SPG11: variants seen among roughly 807,000 people sequenced by gnomAD.
SPG11 encodes the protein SPG11 vesicle trafficking associated, spatacsin.
A neutral mutation model predicts 274.0 loss-of-function variants in SPG11; 222 were observed. That is an observed-to-expected ratio of 0.81 (90% CI 0.73 to 0.91). The LOEUF is 0.91. Ranked by LOEUF, SPG11 falls within the 40% of genes least tolerant of loss-of-function variation. The pLI is 0.00. For synonymous variants in SPG11, 1,144 were observed against 1,039.7 expected (o/e 1.10, Z -1.93); for missense variants, 3,114 against 2,872.7 (o/e 1.08, Z -1.92).
chr15:44,654,958 A>G (rs1234176561), intron 4 of SPG11, among the ~76,000 whole-genome samples: 2 of 152,266 alleles, frequency 1.3e-5, no homozygotes, highest in Non-Finnish European at 2.9e-5. Flanking sequence ...GCAGTATTAA[A>G]TAACTGCATA....
intron 14 of SPG11, chr15:44,621,140 C>G (rs1260132521): frequency 6.5e-6 from 1 of 153,204 alleles, no homozygotes; most frequent in Non-Finnish European, 1.5e-5. Flanking sequence ...TGCCTGGCCA[C>G]ATTGTTCATT....
intron 20 of SPG11, among the ~76,000 whole-genome samples, chr15:44,603,662 G>C (rs559679489): frequency 6.6e-6 from 1 of 152,050 alleles, no homozygotes; most frequent in Non-Finnish European, 1.5e-5. Flanking sequence ...GGTATCCATG[G>C]GGGATTGGTT....
intron 30 of SPG11, among the ~76,000 whole-genome samples, chr15:44,579,440 T>C (rs2082613970): frequency 1.3e-5 from 2 of 149,622 alleles, no homozygotes; most frequent in South Asian, 4.2e-4. Context: ...GACAGGAGAA[T>C]TGCTTGAACC....
intron 29 of SPG11, 50 bp downstream of exon 29, chr15:44,585,586 A>G (rs764833380): frequency 1.3e-6 from 2 of 1,500,612 alleles, no homozygotes; most frequent in Non-Finnish European, 1.8e-6. Context: ...TGGGTGACAG[A>G]GCAAGACCCC....
At chr15:44,577,627 G>A (rs1234088527) in intron 30 of SPG11, among the ~76,000 whole-genome samples, 1 of 152,068 alleles carries the variant, frequency 6.6e-6, no homozygotes, top group African/African-American at 2.4e-5. Flanking sequence ...TTCTAGGTAA[G>A]TTGGTTATAA....
At chr15:44,585,155 G>A (rs907292995) in intron 29 of SPG11, among the ~76,000 whole-genome samples, 6 of 152,026 alleles carry the variant, frequency 3.9e-5, no homozygotes, top group Admixed American at 3.9e-4. Context: ...TCTCAATCAT[G>A]GGAATTGTAG....
chr15:44,593,596 G>A (rs1242761306), intron 26 of SPG11, among the ~76,000 whole-genome samples: 1 of 152,044 alleles, frequency 6.6e-6, no homozygotes, highest in East Asian at 1.9e-4. Flanking sequence ...AGTGGGAGTC[G>A]CTCAGTCAGA....
chr15:44,572,980 CTT>C (rs974510197), intron 32 of SPG11, among the ~76,000 whole-genome samples, 160 bp from the exon 33 acceptor site: 17 of 83,296 alleles, frequency 2.0e-4, no homozygotes, highest in African/African-American at 6.6e-4. Flanking sequence ...GACAGGAGTT[CTT>C]TTTTTTTTTT....
At chr15:44,589,777 A>G (rs1260880199) in intron 27 of SPG11, among the ~76,000 whole-genome samples, 3 of 152,204 alleles carry the variant, frequency 2.0e-5, no homozygotes, top group African/African-American at 7.2e-5. Flanking sequence ...CTGTAAAATT[A>G]ACCAGATGTT....
chr15:44,563,344 T>G, intron 39 of SPG11, 43 bp from the exon 40 acceptor site: 2 of 1,568,396 alleles, frequency 1.3e-6, no homozygotes, highest in South Asian at 2.2e-5. Flanking sequence ...TACTGTTTTT[T>G]GTTTTGTTTT....
At chr15:44,629,512 A>G in intron 8 of SPG11, 124 bp from the exon 9 acceptor site, 1 of 1,090,762 alleles carries the variant, frequency 9.2e-7, no homozygotes, top group Admixed American at 2.3e-5. Context: ...CTTATTTTCA[A>G]AAAGCTCACA....
At chr15:44,603,771 TTTAGA>T (rs1323269330) in intron 20 of SPG11, among the ~76,000 whole-genome samples, 1 of 152,186 alleles carries the variant, frequency 6.6e-6, no homozygotes, top group African/African-American at 2.4e-5. Context: ...CCCCATACAC[TTTAGA>T]TTACTCTAGA....
Position 44,573,537 on chromosome 15 carries a change from G to T in SPG11, c.6205+10C>A, listed in dbSNP as rs548551204. 6 of 1,613,932 alleles carry T rather than the reference G, an allele frequency of 3.7e-6. No homozygotes were observed. Among genetic ancestry groups the T allele is most frequent in the Non-Finnish European group, 5.1e-6 (6 of 1,179,980 alleles). ...TCAGAGAGGTTGGGAATCCCCGGGG[G>T]GTAGGGCACCTGTTCCCTGTGATGA... On this transcript the variant is annotated intron_variant, in intron 32 of 39. Coordinates refer to ENST00000261866, the MANE Select transcript of SPG11 (RefSeq NM_025137.4).
intron 14 of SPG11, 130 bp downstream of exon 14, chr15:44,621,629 C>A: frequency 1.1e-6 from 1 of 905,650 alleles, no homozygotes; most frequent in Non-Finnish European, 1.8e-6. Context: ...CAACGACTTG[C>A]ATTTTAAAGA....
chr15:44,625,324 G>A (rs2141035423), intron 11 of SPG11, among the ~76,000 whole-genome samples: 1 of 152,162 alleles, frequency 6.6e-6, no homozygotes, highest in East Asian at 1.9e-4. Context: ...GTGTGCTATG[G>A]TTTGGATCTG....
intron 38 of SPG11, among the ~76,000 whole-genome samples, chr15:44,565,086 T>TAGGG (rs2082281711): frequency 6.6e-6 from 1 of 152,184 alleles, no homozygotes; most frequent in African/African-American, 2.4e-5. Flanking sequence ...CTGCTAAGAA[T>TAGGG]ATATTATTCC....
Position 44,622,172 on chromosome 15 carries a change from C to T in SPG11, c.2444+48G>A, listed in dbSNP as rs1175521568. 3 of 1,575,660 alleles carry T rather than the reference C, an allele frequency of 1.9e-6. 1 individual carries two copies. The highest frequency in any genetic ancestry group is 2.3e-5 in the South Asian group (2 of 88,680). Reference sequence around the variant, plus strand: ...TTCACTAACAACTATAAATGAAATACTATCTAACGGTATTCTAATATTATC... The same window carrying T: ...TTCACTAACAACTATAAATGAAATATTATCTAACGGTATTCTAATATTATC... On this transcript the variant is annotated intron_variant, in intron 13 of 39. Transcript: ENST00000261866.
At chr15:44,625,828 C>T (rs12595615) in intron 11 of SPG11, among the ~76,000 whole-genome samples, 2,204 of 151,944 alleles carry the variant, frequency 0.015, 59 homozygotes, top group East Asian at 0.1. Context: ...TACAGGCGCC[C>T]GCCACCACAC....
intron 21 of SPG11, among the ~76,000 whole-genome samples, chr15:44,599,545 A>G (rs1253080533): frequency 6.6e-6 from 1 of 152,068 alleles, no homozygotes; most frequent in African/African-American, 2.4e-5. Flanking sequence ...TGATCCGCCC[A>G]CCTTGGCCTC....
Sources: allele counts gnomAD v4.1 joint callset (sites outside exome capture counted in the v4.1 genomes callset), GRCh38; gene constraint gnomAD v4.1.1; transcripts MANE v1.5; gene names NCBI Gene and HGNC (gene_info 2026-07-23, HGNC 2026-07-21).